Variants in GPC5 observed in about 807,000 individuals in gnomAD.
GPC5 encodes glypican-5.
Under a neutral mutation model 53.9 loss-of-function variants are expected in GPC5, and 47 were observed. The ratio of observed to expected loss-of-function variants is 0.87; its 90% CI spans 0.69 to 1.11. GPC5 has a LOEUF of 1.11. Among genes scored for constraint, GPC5 ranks in the 50% most tolerant of loss-of-function variants. GPC5 has a pLI of 0.00. For missense variants in GPC5, 748 were observed against 713.1 expected, an observed-to-expected ratio of 1.05 and a Z score of -0.56; for synonymous variants, 286 against 263.3, an observed-to-expected ratio of 1.09 and a Z score of -0.84.
intron 7 of GPC5, among the ~76,000 whole-genome samples, chr13:92,493,437 A>G (rs1879842632): frequency 6.6e-6 from 1 of 152,202 alleles, no homozygotes; most frequent in South Asian, 2.1e-4. Flanking sequence ...TATCTACTTC[A>G]GTATTGACTA....
At chr13:91,828,637 C>G (rs545329651) in intron 5 of GPC5, among the ~76,000 whole-genome samples, 2 of 151,900 alleles carry the variant, frequency 1.3e-5, no homozygotes, top group Non-Finnish European at 2.9e-5. Context: ...AATGCTTTCT[C>G]AAAGAATGTT....
At chr13:92,785,076 C>T (rs1386763137) in intron 7 of GPC5, among the ~76,000 whole-genome samples, 2 of 151,946 alleles carry the variant, frequency 1.3e-5, no homozygotes, top group Admixed American at 1.3e-4. Flanking sequence ...CAGGAGTTGA[C>T]ACCAGCCTGG....
chr13:92,281,891 TATGGAGA>T (rs1790129574), intron 7 of GPC5, among the ~76,000 whole-genome samples: 1 of 152,006 alleles, frequency 6.6e-6, no homozygotes, highest in South Asian at 2.1e-4. Context: ...AACAAAGCTG[TATGGAGA>T]ATGACTTTGA....
chr13:91,677,742 C>A lies in GPC5; in HGVS notation c.326-15445C>A, dbSNP rs118146153. Among the ~76,000 whole-genome samples, 1,238 of 152,242 alleles carry A rather than the reference C, an allele frequency of 8.1e-3. 10 individuals carry two copies. The highest frequency in any genetic ancestry group is 0.013 in the Non-Finnish European group (878 of 67,988). ...ATTCATATTGTTTCTAAAGTCATAT[C>A]TTTGAAATCACAGTTATTTAGAATC... On this transcript the variant is annotated intron_variant, in intron 2 of 7. Transcript: ENST00000377067.
At chr13:92,161,341 C>T (rs2041986550) in intron 7 of GPC5, among the ~76,000 whole-genome samples, 1 of 152,140 alleles carries the variant, frequency 6.6e-6, no homozygotes. Flanking sequence ...CTCACAGTCC[C>T]TGCCACAGTG....
chr13:92,419,765 G>C (rs1318401495), intron 7 of GPC5, among the ~76,000 whole-genome samples: 4 of 152,132 alleles, frequency 2.6e-5, no homozygotes, highest in Admixed American at 2.6e-4. Context: ...TTAATGTATT[G>C]AGTTTATTTA....
At chr13:91,836,719 A>G (rs1326900060) in intron 5 of GPC5, among the ~76,000 whole-genome samples, 3 of 151,958 alleles carry the variant, frequency 2.0e-5, no homozygotes, top group African/African-American at 7.2e-5. Context: ...TTGCCATCAT[A>G]TTTACACTCA....
rs191778389 is a variant in GPC5, at chr13:91,684,566, A to G, written c.326-8621A>G. Reference sequence around the variant, plus strand: ...TTATTTTGCCTGTGATTCAGTACATATGGACAATCTGATCACTTATTGCAG... The same window carrying G: ...TTATTTTGCCTGTGATTCAGTACATGTGGACAATCTGATCACTTATTGCAG... On this transcript the variant is annotated intron_variant, in intron 2 of 7. Transcript: ENST00000377067. 1.1e-3 allele frequency among the ~76,000 whole-genome samples: 173 copies of G among 152,230 alleles called. 4 individuals are homozygous for G. In the South Asian group the frequency reaches 0.034, roughly 30 times the overall value.
At chr13:92,618,376 C>A (rs1884766222) in intron 7 of GPC5, among the ~76,000 whole-genome samples, 1 of 151,978 alleles carries the variant, frequency 6.6e-6, no homozygotes, top group African/African-American at 2.4e-5. Context: ...TTCTGCTCCC[C>A]AAATGCTTAA....
intron 4 of GPC5, among the ~76,000 whole-genome samples, chr13:91,731,908 C>T (rs1325882810): frequency 6.6e-6 from 1 of 152,168 alleles, no homozygotes; most frequent in Non-Finnish European, 1.5e-5. Flanking sequence ...ATATGTACCA[C>T]ATTTTCTTTA....
At chr13:92,434,234 G>A (rs960069077) in intron 7 of GPC5, among the ~76,000 whole-genome samples, 1 of 152,160 alleles carries the variant, frequency 6.6e-6, no homozygotes, top group Middle Eastern at 3.4e-3. Context: ...CAAGCCTAAA[G>A]TTAGTACTGG....
intron 5 of GPC5, among the ~76,000 whole-genome samples, chr13:91,829,854 G>A (rs926309080): frequency 3.9e-5 from 6 of 152,024 alleles, no homozygotes; most frequent in African/African-American, 1.4e-4. Context: ...TAGGGTGTGG[G>A]TCACAGACAG....
At chr13:91,608,012 G>T (rs567141578) in intron 2 of GPC5, among the ~76,000 whole-genome samples, 42 of 152,270 alleles carry the variant, frequency 2.8e-4, no homozygotes, top group Admixed American at 5.9e-4. Flanking sequence ...TATATTTATT[G>T]TAGAAATGCT....
At chr13:91,568,491 T>C (rs1343610810) in intron 2 of GPC5, among the ~76,000 whole-genome samples, 1 of 151,836 alleles carries the variant, frequency 6.6e-6, no homozygotes, top group African/African-American at 2.4e-5. Flanking sequence ...GCTGGGTCTG[T>C]AGGAAGATTT....
At chr13:91,404,113 G>A (rs1033762859) in intron 1 of GPC5, among the ~76,000 whole-genome samples, 1 of 152,104 alleles carries the variant, frequency 6.6e-6, no homozygotes, top group Non-Finnish European at 1.5e-5. Flanking sequence ...AAGGCTTTCC[G>A]GAAGATGGGT....
chr13:92,520,378 C>T (rs1880991990), intron 7 of GPC5, among the ~76,000 whole-genome samples: 1 of 152,122 alleles, frequency 6.6e-6, no homozygotes, highest in Admixed American at 6.6e-5. Context: ...CAAAAATCCT[C>T]AATAAGATAC....
At chr13:92,044,121 A>G (rs541559913) in intron 6 of GPC5, among the ~76,000 whole-genome samples, 1 of 152,154 alleles carries the variant, frequency 6.6e-6, no homozygotes, top group Non-Finnish European at 1.5e-5. Context: ...TATTCTTCTT[A>G]GTTCTACCCT....
intron 5 of GPC5, among the ~76,000 whole-genome samples, chr13:91,852,671 T>C (rs1048742552): frequency 1.3e-5 from 2 of 152,080 alleles, no homozygotes; most frequent in Admixed American, 6.6e-5. Context: ...TCTTTTTAGG[T>C]TTATTTACAC....
chr13:92,618,478 T>A (rs1224439535), intron 7 of GPC5, among the ~76,000 whole-genome samples: 1 of 151,952 alleles, frequency 6.6e-6, no homozygotes. Context: ...AAAAGGTAAG[T>A]AGATACACCT....
Sources: allele counts gnomAD v4.1 joint callset (sites outside exome capture counted in the v4.1 genomes callset), GRCh38; gene constraint gnomAD v4.1.1; transcripts MANE v1.5; gene names NCBI Gene and HGNC (gene_info 2026-07-23, HGNC 2026-07-21).